SCN9A: variants seen among roughly 807,000 people sequenced by gnomAD.
SCN9A encodes sodium voltage-gated channel alpha subunit 9.
Under a neutral mutation model 187.0 loss-of-function variants are expected in SCN9A, and 131 were observed. The observed-to-expected ratio is 0.70, with a 90% CI of 0.61 to 0.81. SCN9A has a LOEUF of 0.81. Among genes scored for constraint, SCN9A ranks in the 30% least tolerant of loss-of-function variants. The pLI is 0.00. For synonymous variants in SCN9A, 809 were observed against 808.6 expected (o/e 1.00, Z -0.01); for missense variants, 2,252 against 2,396.6 (o/e 0.94, Z 1.26).
In SCN9A at chr2:166,198,691, C is replaced by T. The variant is rs770802841; in HGVS notation, c.5948G>A (p.Ser1983Asn). 1.3e-6 allele frequency: 2 copies of T among 1,597,664 alleles called. No homozygotes were observed. Among genetic ancestry groups the T allele is most frequent in the African/African-American group, 1.3e-5 (1 of 74,160 alleles). Residue 1983 changes from serine to asparagine, a missense_variant, in exon 27 of 27, where the codon AGC becomes AAC. Physicochemically the swap from Ser to Asn is conservative, Grantham distance 46. This residue lies in a region of SCN9A where 345 missense variants were observed against 344.6 expected (regional missense o/e 1.00). Transcript: ENST00000642356. ...RTEKEDKGKD[S>N]KESKK Reference sequence around the variant, plus strand: ...GAAGCTCTATTTTTTGCTTTCCTTGCTGTCTTTCCCTTTGTCTTCCTTTTC... The same window carrying T: ...GAAGCTCTATTTTTTGCTTTCCTTGTTGTCTTTCCCTTTGTCTTCCTTTTC...
chr2:166,340,922 T>A (rs1003535806), intron 1 of SCN9A, among the ~76,000 whole-genome samples: 3 of 152,128 alleles, frequency 2.0e-5, no homozygotes, highest in African/African-American at 7.2e-5. Context: ...CCTGCCTGGC[T>A]TTGAAGTTTA....
At chr2:166,273,804 G>A (rs1022239670) in intron 16 of SCN9A, among the ~76,000 whole-genome samples, 2 of 152,064 alleles carry the variant, frequency 1.3e-5, no homozygotes, top group African/African-American at 4.8e-5. Context: ...TCTACCTCAT[G>A]TTTTAAAAAT....
chr2:166,205,496 T>C lies in SCN9A; in HGVS notation c.4399-1032A>G, dbSNP rs537748927. Among the ~76,000 whole-genome samples the C allele has an allele frequency of 2.6e-5, 4 of 152,238 alleles. No homozygotes were observed. The South Asian group carries it at 8.3e-4, about 32-fold the overall frequency. ...GAAACTGGATCCCTTCCTTACACCT[T>C]GTACAAAAATTAACTCAAGATGGAT... is the stretch of plus-strand genomic sequence containing the variant. On this transcript the variant is annotated intron_variant, in intron 24 of 26. Coordinates refer to ENST00000642356, the MANE Select transcript of SCN9A (RefSeq NM_001365536.1).
rs201079869 is a variant in SCN9A, at chr2:166,199,747, C to A, written c.4892G>T (p.Arg1631Leu). The A allele has an allele frequency of 2.1e-4, 339 of 1,613,950 alleles. No homozygotes were observed. Among genetic ancestry groups the A allele is most frequent in the Non-Finnish European group, 2.7e-4 (321 of 1,180,016 alleles). The change falls in exon 27 of 27, where the codon CGC becomes CTC. Residue 1631 changes from arginine to leucine, a missense_variant. Physicochemically the swap from Arg to Leu is moderately radical, Grantham distance 102. This residue lies in a region of SCN9A where 84 missense variants were observed against 134.2 expected (regional missense o/e 0.63). Coordinates refer to ENST00000642356, the MANE Select transcript of SCN9A (RefSeq NM_001365536.1). ...CATCATCAAAGCAAAGAGCAGCGTG[C>A]GGATCCCCTTTGCTCCTTTGACTAG... is the stretch of plus-strand genomic sequence containing the variant. ...LRLVKGAKGI[R>L]TLLFALMMSL...
At chr2:166,357,185 C>T (rs1368256065) in intron 1 of SCN9A, among the ~76,000 whole-genome samples, 1 of 152,188 alleles carries the variant, frequency 6.6e-6, no homozygotes, top group Middle Eastern at 3.2e-3. Context: ...CATCATTTAG[C>T]TCTCACTTAT....
chr2:166,362,299 T>A (rs1700304325), intron 1 of SCN9A, among the ~76,000 whole-genome samples: 1 of 152,006 alleles, frequency 6.6e-6, no homozygotes, highest in Non-Finnish European at 1.5e-5. Flanking sequence ...CTGCTCTCTC[T>A]TGGAACTAAA....
At position 166,272,875 on chromosome 2, in the gene SCN9A, C is replaced by G; in HGVS notation, c.2875G>C (p.Val959Leu). The G allele has an allele frequency of 7.0e-7, 1 of 1,426,084 alleles. No individual in the cohort carries two copies. The highest frequency in any genetic ancestry group is 9.3e-7 in the Non-Finnish European group (1 of 1,076,872). The allele number at this position is 1,426,084 out of a possible 1,614,324, so 88.3% of individuals were successfully genotyped here. A position where few individuals can be genotyped will look rare whatever the true frequency, so the allele number is the denominator to read the frequency against. ...MMVMVIGNLV[V>L]LNLFLALLLS... ...AATAAGGCCAGAAATAGGTTTAGGA[C>G]CTATATCAGGGTGGGGAGAGGGGGT... Residue 959 changes from valine (V) to leucine (L), a missense_variant and splice_region_variant, in exon 17 of 27, where the codon GTC becomes CTC. This residue lies in a region of SCN9A where 119 missense variants were observed against 188.7 expected (regional missense o/e 0.63). Transcript: ENST00000642356.
In SCN9A at chr2:166,313,086, TATA is replaced by T. The variant is rs1699017640; in HGVS notation, c.-50-1283_-50-1281del. ...ATTTAATTTTCTGAATAGTAAATAA[TATA>T]ATTATTATGTAATTTTCTGAATAGT... On this transcript the variant is annotated intron_variant, in intron 1 of 26. Coordinates refer to ENST00000642356, the MANE Select transcript of SCN9A (RefSeq NM_001365536.1). Among the ~76,000 whole-genome samples, 3 of 149,106 alleles carry T rather than the reference TATA, an allele frequency of 2.0e-5. No homozygotes were observed. The East Asian group carries it at 5.8e-4, about 29-fold the overall frequency.
rs1693344105 is a variant in SCN9A, at chr2:166,199,014, C to A, written c.5625G>T (p.Val1875=). The change falls in exon 27 of 27, where the codon GTG becomes GTT. Residue 1875 remains valine, a synonymous_variant. Coordinates refer to ENST00000642356, the MANE Select transcript of SCN9A (RefSeq NM_001365536.1). ...ERFMSANPSK[V]SYEPITTTLK... The stretch of plus-strand genomic sequence containing the variant: ...GTGTGGTTGTGATGGGTTCATAGGA[C>A]ACTTTGGAAGGATTTGCAGACATGA... 6.2e-7 allele frequency: 1 copy of A among 1,614,094 alleles called. No homozygotes were observed. Among genetic ancestry groups the A allele is most frequent in the Non-Finnish European group, 8.5e-7 (1 of 1,179,994 alleles).
At chr2:166,226,794 C>T in intron 23 of SCN9A, 90 bp from the exon 24 acceptor site, 1 of 920,552 alleles carries the variant, frequency 1.1e-6, no homozygotes, top group East Asian at 3.0e-5. Context: ...TCAAACAGTG[C>T]TATCCTAGGT....
intron 1 of SCN9A, among the ~76,000 whole-genome samples, chr2:166,322,840 T>C (rs1188400770): frequency 6.6e-6 from 1 of 152,166 alleles, no homozygotes; most frequent in Non-Finnish European, 1.5e-5. Flanking sequence ...CTGGATTCAC[T>C]ACTTACTAGC....
chr2:166,311,268 A>C (rs1698934261), intron 2 of SCN9A, among the ~76,000 whole-genome samples: 1 of 139,594 alleles, frequency 7.2e-6, no homozygotes, highest in Non-Finnish European at 1.5e-5. Flanking sequence ...AATTAAAAGT[A>C]GTATGCCAAT....
chr2:166,208,021 A>G (rs1434816793), intron 24 of SCN9A, among the ~76,000 whole-genome samples: 8 of 152,220 alleles, frequency 5.3e-5, no homozygotes, highest in Non-Finnish European at 2.9e-5. Context: ...CTGGTTGTCA[A>G]TATGATGAAG....
intron 16 of SCN9A, among the ~76,000 whole-genome samples, chr2:166,274,297 C>T (rs1697133361): frequency 6.6e-6 from 1 of 152,048 alleles, no homozygotes; most frequent in Non-Finnish European, 1.5e-5. Context: ...CCATTTGTAT[C>T]ATCTTTGTAT....
At chr2:166,326,586 C>A (rs1189410523) in intron 1 of SCN9A, among the ~76,000 whole-genome samples, 1 of 152,190 alleles carries the variant, frequency 6.6e-6, no homozygotes, top group African/African-American at 2.4e-5. Context: ...GCAGGAATGA[C>A]CTTGGACTGT....
chr2:166,315,849 G>C (rs970804564), intron 1 of SCN9A, among the ~76,000 whole-genome samples: 1 of 152,140 alleles, frequency 6.6e-6, no homozygotes, highest in African/African-American at 2.4e-5. Flanking sequence ...TCTTCCCTTA[G>C]TCTTCTGGAT....
chr2:166,350,685 G>A (rs1407377105), intron 1 of SCN9A, among the ~76,000 whole-genome samples: 1 of 152,062 alleles, frequency 6.6e-6, no homozygotes, highest in Admixed American at 6.6e-5. Context: ...TTTTAACTTA[G>A]TCATCAATGA....
In SCN9A at chr2:166,251,856, G is replaced by T. The variant is rs1302216434; in HGVS notation, c.3381C>A (p.Cys1127Ter). The T allele has an allele frequency of 6.2e-7, 1 of 1,612,372 alleles. No individual in the cohort carries two copies. Among genetic ancestry groups the T allele is most frequent in the Non-Finnish European group, 8.5e-7 (1 of 1,178,986 alleles). Residue 1127 changes from cysteine (C) to a stop codon, truncating the protein, a stop_gained, in exon 18 of 27, where the codon TGC becomes TGA. Transcript: ENST00000642356. LOFTEE classifies it high-confidence loss of function. ...VRLNRSSSSE[C>*]STVDNPLPGE... ...CAGGCAAAGGGTTATCAACTGTGCT[G>T]CACTCTGAGGAGCTTGACCGGTTTA...
chr2:166,228,567 C>T, intron 22 of SCN9A, 124 bp downstream of exon 22: 2 of 897,524 alleles, frequency 2.2e-6, no homozygotes, highest in Non-Finnish European at 3.1e-6. Context: ...AAGACTGGCA[C>T]TGTTTTAAAA....
Sources: allele counts gnomAD v4.1 joint callset (sites outside exome capture counted in the v4.1 genomes callset), GRCh38; gene constraint gnomAD v4.1.1; regional missense constraint gnomAD v4.1.1; transcripts MANE v1.5; gene names NCBI Gene and HGNC (gene_info 2026-07-23, HGNC 2026-07-21).